The following TRAPPC9 variants were observed in gnomAD, a reference collection of about 807,000 sequenced individuals.
TRAPPC9 encodes the protein IKK2 binding protein.
Under a neutral mutation model 124.0 loss-of-function variants are expected in TRAPPC9, and 83 were observed. The ratio of observed to expected loss-of-function variants is 0.67; its 90% CI spans 0.56 to 0.80. TRAPPC9 has a LOEUF of 0.80. Ranked by LOEUF, TRAPPC9 falls within the 30% of genes least tolerant of loss-of-function variation. The pLI is 0.00. For synonymous variants in TRAPPC9, 638 were observed against 617.5 expected (o/e 1.03, Z -0.49); for missense variants, 1,302 against 1,508.3 (o/e 0.86, Z 2.27).
intron 19 of TRAPPC9, among the ~76,000 whole-genome samples, chr8:139,972,659 C>T (rs895903327): frequency 2.0e-5 from 3 of 152,188 alleles, no homozygotes; most frequent in African/African-American, 7.2e-5. Context: ...CAGAGCAACA[C>T]AAATCACAGG....
chr8:139,789,866 T>C (rs1822533423), intron 21 of TRAPPC9, among the ~76,000 whole-genome samples: 1 of 152,116 alleles, frequency 6.6e-6, no homozygotes, highest in African/African-American at 2.4e-5. Flanking sequence ...ATCCCTTCTG[T>C]AGGCCGGCCT....
intron 17 of TRAPPC9, among the ~76,000 whole-genome samples, chr8:140,140,744 A>C (rs752541434): frequency 8.5e-5 from 13 of 152,140 alleles, no homozygotes; most frequent in Non-Finnish European, 1.9e-4. Context: ...GTGACTCCTC[A>C]GTAAGTAGTC....
intron 19 of TRAPPC9, among the ~76,000 whole-genome samples, chr8:139,913,000 T>C (rs1427745658): frequency 6.6e-6 from 1 of 152,194 alleles, no homozygotes; most frequent in Non-Finnish European, 1.5e-5. Context: ...ACCTCTCAGT[T>C]GAGTTTGACA....
At chr8:140,057,126 A>C (rs1842331543) in intron 17 of TRAPPC9, among the ~76,000 whole-genome samples, 1 of 152,252 alleles carries the variant, frequency 6.6e-6, no homozygotes, top group Admixed American at 6.5e-5. Flanking sequence ...AATGCAAATC[A>C]AAAACATGAC....
intron 19 of TRAPPC9, among the ~76,000 whole-genome samples, chr8:139,913,657 C>T (rs1831906392): frequency 6.6e-6 from 1 of 152,198 alleles, no homozygotes; most frequent in Non-Finnish European, 1.5e-5. Context: ...TCCTCTGCAG[C>T]CCTGGGATGG....
chr8:139,856,911 T>C (rs1827836609), intron 21 of TRAPPC9, among the ~76,000 whole-genome samples: 1 of 152,154 alleles, frequency 6.6e-6, no homozygotes, highest in Non-Finnish European at 1.5e-5. Context: ...GCTGCTGCTG[T>C]GAACCTGACG....
intron 17 of TRAPPC9, chr8:140,098,913 G>A (rs2130325272): frequency 6.6e-6 from 1 of 151,098 alleles, no homozygotes; most frequent in African/African-American, 2.4e-5. Context: ...CACAGGGGAG[G>A]ACACCCAGGT....
At chr8:140,442,347 C>T (rs2071045911) in intron 2 of TRAPPC9, among the ~76,000 whole-genome samples, 1 of 152,070 alleles carries the variant, frequency 6.6e-6, no homozygotes, top group Non-Finnish European at 1.5e-5. Flanking sequence ...CACCTGTAAT[C>T]CCAGCACTTT....
At chr8:140,004,356 T>TA (rs761336548) in intron 18 of TRAPPC9, among the ~76,000 whole-genome samples, 1 of 152,198 alleles carries the variant, frequency 6.6e-6, no homozygotes, top group Non-Finnish European at 1.5e-5. Context: ...TATGTTAATT[T>TA]AAAAAACATT....
At chr8:140,262,532 C>A (rs1181788559) in intron 15 of TRAPPC9, 1 of 149,524 alleles carries the variant, frequency 6.7e-6, no homozygotes, top group African/African-American at 2.5e-5. Context: ...TGGGGGGGGG[C>A]AGCAAGTTGA....
intron 17 of TRAPPC9, among the ~76,000 whole-genome samples, chr8:140,061,632 A>T (rs1276657135): frequency 1.3e-5 from 2 of 152,184 alleles, no homozygotes; most frequent in Non-Finnish European, 2.9e-5. Flanking sequence ...CTGGGCTCTG[A>T]AGGAAAAGGA....
At chr8:140,272,252 G>A (rs1326973737) in intron 15 of TRAPPC9, among the ~76,000 whole-genome samples, 1 of 144,862 alleles carries the variant, frequency 6.9e-6, no homozygotes, top group African/African-American at 2.6e-5. Context: ...GGGGGTGGGG[G>A]TTGGGGTGGT....
At chr8:140,335,210 C>T (rs991394469) in intron 9 of TRAPPC9, among the ~76,000 whole-genome samples, 3 of 152,044 alleles carry the variant, frequency 2.0e-5, no homozygotes, top group Non-Finnish European at 2.9e-5. Context: ...GAGGTAACTC[C>T]GGCCGCAATG....
Position 140,436,303 on chromosome 8 carries a change from G to T in TRAPPC9, c.731-1063C>A, listed in dbSNP as rs113301957. Among the ~76,000 whole-genome samples the T allele has an allele frequency of 4.3e-3, 649 of 152,210 alleles. 8 individuals carry two copies. Among genetic ancestry groups the T allele is most frequent in the African/African-American group, 0.015 (621 of 41,530 alleles). ...GGAAGTTTCAGTGAGCTGAAATCAC[G>T]CCATTGCACTCCAGCCTGGGCGACA... On this transcript the variant is annotated intron_variant, in intron 3 of 22. Transcript: ENST00000438773.
At chr8:140,283,294 CTT>C (rs376320364) in intron 14 of TRAPPC9, among the ~76,000 whole-genome samples, 2 of 97,236 alleles carry the variant, frequency 2.1e-5, no homozygotes, top group Non-Finnish European at 3.7e-5. Context: ...ATTAAAATTC[CTT>C]TTTTTTTTTT....
rs2130422312 is a variant in TRAPPC9 at position 140,104,938 on chromosome 8, T to C, written c.2557-80859A>G. 6.6e-6 allele frequency among the ~76,000 whole-genome samples: 1 copy of C among 152,318 alleles called. No homozygotes were observed. The highest frequency in any genetic ancestry group is 1.5e-5 in the Non-Finnish European group (1 of 68,016). On this transcript the variant is annotated intron_variant, in intron 17 of 22. Coordinates refer to ENST00000438773, the MANE Select transcript of TRAPPC9 (RefSeq NM_001160372.4). This position sits in a 1 kb window ranked among gnomAD's most constrained non-coding sequence, Gnocchi z 4.0. ...TGCCTCCGCTTGCCCCCTGGGCCTGTCATCCATGCTGCATCGTGGCAGGGT... is the reference window on the plus strand; with the variant it reads ...TGCCTCCGCTTGCCCCCTGGGCCTGCCATCCATGCTGCATCGTGGCAGGGT...
At chr8:139,755,757 G>T (rs13253860) in intron 21 of TRAPPC9, among the ~76,000 whole-genome samples, 7 of 22,438 alleles carry the variant, frequency 3.1e-4, no homozygotes, top group East Asian at 3.2e-3. Context: ...AGGTCGCAGG[G>T]GGAGCCAGGG....
At chr8:140,101,815 C>G (rs1271467816) in intron 17 of TRAPPC9, among the ~76,000 whole-genome samples, 1 of 151,690 alleles carries the variant, frequency 6.6e-6, no homozygotes, top group Non-Finnish European at 1.5e-5. Context: ...GCTGGGATTA[C>G]AGGTGTGAGC....
intron 13 of TRAPPC9, among the ~76,000 whole-genome samples, chr8:140,285,466 C>T (rs924352629): frequency 1.3e-5 from 2 of 152,182 alleles, no homozygotes; most frequent in African/African-American, 2.4e-5. Context: ...GAACTGCCCA[C>T]CTGACCACAT....
Sources: gnomAD v4.1 joint callset for allele counts (sites outside exome capture counted in the v4.1 genomes callset) on GRCh38, gnomAD v4.1.1 for gene constraint, Gnocchi (gnomAD v3.1) non-coding constraint, MANE v1.5 for transcripts, NCBI Gene and HGNC (gene_info 2026-07-23, HGNC 2026-07-21) for gene names.